The following PLB1 variants were observed in gnomAD, a reference collection of about 807,000 sequenced individuals.
The protein encoded by PLB1 is phospholipase B1, membrane-associated.
PLB1 carries 242 observed loss-of-function variants against 227.4 expected under a neutral mutation model. The ratio of observed to expected loss-of-function variants is 1.06; its 90% CI spans 0.96 to 1.18. The LOEUF (loss-of-function observed/expected upper bound fraction) is 1.18. Ranked by LOEUF, PLB1 falls within the 50% of genes most tolerant of loss-of-function variation. PLB1 has a pLI of 0.00. For synonymous variants in PLB1, 757 were observed against 682.2 expected, an observed-to-expected ratio of 1.11 and a Z score of -1.71; for missense variants, 1,858 against 1,816.3, an observed-to-expected ratio of 1.02 and a Z score of -0.42.
rs761638404 is a variant in PLB1 at position 28,633,000 on chromosome 2, C to CG, written c.4062dup (p.His1355AlafsTer38). 2.7e-5 allele frequency: 44 copies of CG among 1,608,730 alleles called. 1 individual carries two copies. The highest frequency in any genetic ancestry group is 1.7e-4 in the Admixed American group (10 of 59,808). ...AGGACTGTTTTCACTTCTCAGACCG[C>CG]GGGCATGCCGAGATGGCCATCGCAC... On this transcript the variant is annotated frameshift_variant, in exon 56 of 58. Coordinates refer to ENST00000327757, the MANE Select transcript of PLB1 (RefSeq NM_153021.5). LOFTEE classifies it high-confidence loss of function.
chr2:28,563,211 C>T (rs1676330160), intron 18 of PLB1, 112 bp downstream of exon 18: 2 of 1,049,270 alleles, frequency 1.9e-6, no homozygotes, highest in Admixed American at 2.0e-5. Context: ...TAGATGCTAC[C>T]ATCTCGGGTC....
chr2:28,523,335 GTTTTTTTTTT>G (rs199936505), intron 4 of PLB1, among the ~76,000 whole-genome samples: 2 of 116,892 alleles, frequency 1.7e-5, no homozygotes, highest in African/African-American at 6.3e-5. Flanking sequence ...TATCTGCGAG[GTTTTTTTTTT>G]TTTTTTTTTT....
intron 37 of PLB1, 145 bp downstream of exon 37, chr2:28,601,477 AC>A: frequency 3.1e-6 from 2 of 646,992 alleles, no homozygotes; most frequent in Non-Finnish European, 5.6e-6. Context: ...TACCACACAC[AC>A]ACACACACAC....
At chr2:28,629,070 G>GT in intron 52 of PLB1, 24 bp from the exon 53 acceptor site, 1 of 1,607,134 alleles carries the variant, frequency 6.2e-7, no homozygotes, top group Non-Finnish European at 8.5e-7. Flanking sequence ...GTGCCCTAAC[G>GT]AAACCACCCT....
chr2:28,636,162 G>A (rs1283463205), intron 56 of PLB1, among the ~76,000 whole-genome samples: 5 of 152,138 alleles, frequency 3.3e-5, no homozygotes, highest in African/African-American at 4.8e-5. Flanking sequence ...GGATTCAAGC[G>A]ATTCTCCTGC....
chr2:28,620,628 C>G lies in PLB1; in HGVS notation c.3412C>G (p.His1138Asp). 2 of 1,613,950 alleles carry G rather than the reference C, an allele frequency of 1.2e-6. No homozygotes were observed. Among genetic ancestry groups the G allele is most frequent in the South Asian group, 2.2e-5 (2 of 91,022 alleles). ...SIGGDGNLET[H>D]TTLPNILKKF... The stretch of plus-strand genomic sequence containing the variant: ...TGGAGGGGATGGGAACTTGGAGACT[C>G]ACACCACACTGCCCAGTAAGTAGCA... The change falls in exon 48 of 58, where the codon CAC becomes GAC. Residue 1138 changes from histidine (H) to aspartate (D), a missense_variant. Coordinates refer to ENST00000327757, the MANE Select transcript of PLB1 (RefSeq NM_153021.5).
intron 9 of PLB1, among the ~76,000 whole-genome samples, chr2:28,534,382 A>G (rs1330712154): frequency 6.6e-6 from 1 of 152,222 alleles, no homozygotes; most frequent in African/African-American, 2.4e-5. Context: ...TCAAAAAATC[A>G]ATTTAAAGGA....
At chr2:28,554,318 TAGAGAGAG>T (rs10601884) in intron 17 of PLB1, among the ~76,000 whole-genome samples, 1 of 150,172 alleles carries the variant, frequency 6.7e-6, no homozygotes. Flanking sequence ...TATGTCTATA[TAGAGAGAG>T]AGAGAGAAAT....
chr2:28,518,526 A>G lies in PLB1; in HGVS notation c.178A>G (p.Lys60Glu), dbSNP rs772432635. The G allele has an allele frequency of 1.2e-6, 2 of 1,610,864 alleles. No homozygotes were observed. The highest frequency in any genetic ancestry group is 1.7e-5 in the Admixed American group (1 of 60,022). ...TAAATTAGGAGTGAATATGCCTTCT[A>G]AATCAGGTATGTAACCCTTGGCCAT... ...PNKLGVNMPS[K>E]SVHSLKPSDI... Residue 60 changes from lysine to glutamate, a missense_variant, in exon 3 of 58, where the codon AAA (lysine) becomes GAA (glutamate). By Grantham distance (56) the Lys-to-Glu change is moderately conservative (BLOSUM62 1). Coordinates refer to ENST00000327757, the MANE Select transcript of PLB1 (RefSeq NM_153021.5).
At chr2:28,510,362 G>A (rs1207290731) in intron 1 of PLB1, among the ~76,000 whole-genome samples, 2 of 151,992 alleles carry the variant, frequency 1.3e-5, no homozygotes, top group Non-Finnish European at 2.9e-5. Flanking sequence ...TCTCTGCTTG[G>A]ACCAGTGCCC....
intron 50 of PLB1, among the ~76,000 whole-genome samples, chr2:28,625,319 C>T (rs566846108): frequency 6.6e-6 from 1 of 152,202 alleles, no homozygotes; most frequent in South Asian, 2.1e-4. Flanking sequence ...GGGCCGGCTG[C>T]GGGAGGGCAA....
At chr2:28,623,058 A>G (rs1285090296) in intron 49 of PLB1, among the ~76,000 whole-genome samples, 1 of 152,236 alleles carries the variant, frequency 6.6e-6, no homozygotes, top group Non-Finnish European at 1.5e-5. Flanking sequence ...ATGGAGTACA[A>G]TTAAGAGAAC....
chr2:28,594,136 G>C, intron 33 of PLB1: 1 of 512,584 alleles, frequency 2.0e-6, no homozygotes, highest in Non-Finnish European at 4.0e-6. Flanking sequence ...GTTTATTCAT[G>C]TTGTCTTGTA....
intron 43 of PLB1, among the ~76,000 whole-genome samples, chr2:28,607,075 G>C (rs1470788989): frequency 6.6e-6 from 1 of 152,178 alleles, no homozygotes; most frequent in Admixed American, 6.5e-5. Flanking sequence ...GGAGGGACGA[G>C]GGTGGGCCTA....
chr2:28,592,809 C>G (rs1046390526), intron 32 of PLB1, 90 bp downstream of exon 32: 1 of 1,250,620 alleles, frequency 8.0e-7, no homozygotes, highest in South Asian at 1.4e-5. Context: ...CATGCCTGTC[C>G]TCTGCCTTAT....
At chr2:28,533,742 A>G (rs1457061864) in intron 9 of PLB1, among the ~76,000 whole-genome samples, 1 of 152,158 alleles carries the variant, frequency 6.6e-6, no homozygotes, top group Non-Finnish European at 1.5e-5. Flanking sequence ...GAATACTTAG[A>G]CTCATCAATG....
intron 43 of PLB1, among the ~76,000 whole-genome samples, chr2:28,609,624 A>G (rs953353920): frequency 2.0e-5 from 3 of 152,196 alleles, no homozygotes; most frequent in Non-Finnish European, 4.4e-5. Context: ...CAATCCTGCC[A>G]TGACCCCACC....
At chr2:28,630,699 T>G (rs1688495004) in intron 54 of PLB1, 35 bp downstream of exon 54, 9 of 1,577,278 alleles carry the variant, frequency 5.7e-6, no homozygotes, top group Non-Finnish European at 7.8e-6. Flanking sequence ...CTGACCCAGC[T>G]GGGGGGCCCC....
rs567393844 is a variant in PLB1 at position 28,543,047 on chromosome 2, C to T, written c.880-165C>T. Among the ~76,000 whole-genome samples the T allele has an allele frequency of 5.9e-5, 9 of 152,268 alleles. No individual in the cohort carries two copies. The South Asian group carries it at 6.2e-4, about 11-fold the overall frequency. On this transcript the variant is annotated intron_variant, in intron 13 of 57. Transcript: ENST00000327757. ...CTGACCTCAGGGCCCTGACCCCAGA[C>T]GGTGGTCCCATAAGTGCCCCTGTTA...
Sources: gnomAD v4.1 joint callset for allele counts (sites outside exome capture counted in the v4.1 genomes callset) on GRCh38, gnomAD v4.1.1 for gene constraint, MANE v1.5 for transcripts, NCBI Gene and HGNC (gene_info 2026-07-23, HGNC 2026-07-21) for gene names.